Variants in SLC29A1 observed in about 807,000 individuals in gnomAD.
The protein encoded by SLC29A1 is equilibrative nucleoside transporter 1.
In SLC29A1, 22 loss-of-function variants were observed where a neutral mutation model predicts 48.3. The ratio of observed to expected loss-of-function variants is 0.46; its 90% confidence interval spans 0.33 to 0.65. The LOEUF is 0.65. Ranked by LOEUF, SLC29A1 falls within the 30% of genes least tolerant of loss-of-function variation. SLC29A1 has a pLI of 0.03. For missense variants in SLC29A1, 491 were observed against 575.3 expected (o/e 0.85, Z 1.50); for synonymous variants, 228 against 231.0 (o/e 0.99, Z 0.12).
At chr6:44,228,263 C>T (rs897329343) in intron 2 of SLC29A1, among the ~76,000 whole-genome samples, 2 of 152,224 alleles carry the variant, frequency 1.3e-5, no homozygotes, top group Non-Finnish European at 2.9e-5. Context: ...CTCGCCGGCT[C>T]CATTTGCCTT....
intron 9 of SLC29A1, 51 bp downstream of exon 9, chr6:44,231,512 T>A: frequency 8.5e-7 from 1 of 1,178,974 alleles, no homozygotes; most frequent in African/African-American, 1.5e-5. Flanking sequence ...CTTTCTCTCC[T>A]CCTTTTGCTC....
rs1778243457 is a variant in SLC29A1 at position 44,229,121 on chromosome 6, G to A, written c.30-269G>A. ...TGGTTCCCAGCCTGCAGAGTCCCCC[G>A]AGCCTTCCAGGGCTGATAACCATGG... On this transcript the variant is annotated intron_variant, in intron 2 of 12. Coordinates refer to ENST00000371755, the MANE Select transcript of SLC29A1 (RefSeq NM_001372327.1). This position sits in a 1 kb window ranked among gnomAD's most constrained non-coding sequence, Gnocchi z 5.1. 6.6e-6 allele frequency among the ~76,000 whole-genome samples: 1 copy of A among 152,094 alleles called. No homozygotes were observed. The highest frequency in any genetic ancestry group is 2.4e-5 in the African/African-American group (1 of 41,404).
chr6:44,228,564 G>T (rs900165750), intron 2 of SLC29A1, among the ~76,000 whole-genome samples: 4 of 152,256 alleles, frequency 2.6e-5, no homozygotes, highest in East Asian at 1.9e-4. Context: ...TGCCATCTCT[G>T]AAGAGAGCTG....
chr6:44,230,279 T>C, intron 5 of SLC29A1, 68 bp from the exon 6 acceptor site: 4 of 1,573,918 alleles, frequency 2.5e-6, no homozygotes, highest in Non-Finnish European at 3.5e-6. Context: ...ATGACAGGGA[T>C]CTGTCTTCTT....
chr6:44,229,865 C>T lies in SLC29A1; in HGVS notation c.315-42C>T. ...CTGCACCCCCTTGGCTGAGCCCCAG[C>T]TTTGCCCACTTGTCTCTGCCACCCT... On this transcript the variant is annotated intron_variant, in intron 4 of 12. Transcript: ENST00000371755. This position sits in a 1 kb window ranked among gnomAD's most constrained non-coding sequence, Gnocchi z 5.1. The T allele has an allele frequency of 5.0e-6, 8 of 1,611,760 alleles. No individual in the cohort carries two copies. Among genetic ancestry groups the T allele is most frequent in the Non-Finnish European group, 6.8e-6 (8 of 1,179,800 alleles).
At chr6:44,222,763 T>A (rs370442491), upstream of SLC29A1, among the ~76,000 whole-genome samples, 1 of 152,228 alleles carries the variant, frequency 6.6e-6, no homozygotes, top group Non-Finnish European at 1.5e-5. Context: ...GGCTTCCGCC[T>A]GTCAGGATGG....
intron 8 of SLC29A1, 109 bp from the exon 9 acceptor site, chr6:44,231,255 G>A: frequency 1.3e-6 from 1 of 748,996 alleles, no homozygotes. Context: ...GCTGGGACTG[G>A]TTAAGGAGGC....
Position 44,227,342 on chromosome 6 carries a change from G to A in SLC29A1, c.29G>A (p.Arg10Lys). The change falls in exon 2 of 13, where the codon AGA (arginine) becomes AAA (lysine). Residue 10 changes from arginine (R) to lysine (K), a missense_variant and splice_region_variant. Arg to Lys is a conservative substitution (Grantham distance 26). Coordinates refer to ENST00000371755, the MANE Select transcript of SLC29A1 (RefSeq NM_001372327.1). Reference sequence around the variant, plus strand: ...ACAACCAGTCACCAGCCTCAGGACAGGTAAGGGGTAAGGGGCTGGGCTGTG... The same window carrying A: ...ACAACCAGTCACCAGCCTCAGGACAAGTAAGGGGTAAGGGGCTGGGCTGTG... MTTSHQPQDRYKAVWLIFFM... is the reference protein window; with the variant it reads MTTSHQPQDKYKAVWLIFFM... 2 of 1,612,772 alleles carry A rather than the reference G, an allele frequency of 1.2e-6. No homozygotes were observed. The highest frequency in any genetic ancestry group is 2.2e-5 in the South Asian group (2 of 91,034).
chr6:44,225,288 C>T (rs1419441620), intron 1 of SLC29A1, among the ~76,000 whole-genome samples: 1 of 152,080 alleles, frequency 6.6e-6, no homozygotes, highest in Non-Finnish European at 1.5e-5. Context: ...GGTGGGTCAC[C>T]TGAGGTCGGG....
chr6:44,223,766 G>A lies in SLC29A1; in HGVS notation c.-52+125G>A. The A allele has an allele frequency of 9.7e-7, 1 of 1,034,310 alleles. No homozygotes were observed. Among genetic ancestry groups the A allele is most frequent in the Non-Finnish European group, 1.2e-6 (1 of 857,884 alleles). 64.1% of individuals were successfully genotyped at this position (1,034,310 alleles called of 1,614,324 possible). On this transcript the variant is annotated intron_variant, in intron 1 of 12. Coordinates refer to ENST00000371755, the MANE Select transcript of SLC29A1 (RefSeq NM_001372327.1). The surrounding 1 kb of genome is among the most constrained non-coding windows in gnomAD (Gnocchi z 5.0). ...CCGCAGCCCGGAGAAGGGACGCCGG[G>A]TGGGGCCCCAGTGCGGAGCGTGCGG...
chr6:44,231,514 C>T (rs974794777), intron 9 of SLC29A1, 53 bp downstream of exon 9: 2 of 1,150,218 alleles, frequency 1.7e-6, no homozygotes, highest in Admixed American at 1.9e-5. Flanking sequence ...TTCTCTCCTC[C>T]TTTTGCTCCC....
chr6:44,227,842 A>G (rs182969519), intron 2 of SLC29A1, among the ~76,000 whole-genome samples: 17 of 152,272 alleles, frequency 1.1e-4, no homozygotes, highest in Admixed American at 3.3e-4. Flanking sequence ...GCTTAATTCA[A>G]TTTCTCAAAG....
Position 44,232,730 on chromosome 6 carries a change from G to T in SLC29A1, c.1060-77G>T. On this transcript the variant is annotated intron_variant, in intron 11 of 12. Coordinates refer to ENST00000371755, the MANE Select transcript of SLC29A1 (RefSeq NM_001372327.1). This position sits in a 1 kb window ranked among gnomAD's most constrained non-coding sequence, Gnocchi z 4.7. ...GAGGTTTCAGTTCAGATCCTGAGGG[G>T]CCCCAGATGGATCCTTGGGGGCCTG... 7.0e-7 allele frequency: 1 copy of T among 1,427,890 alleles called. No homozygotes were observed. Among genetic ancestry groups the T allele is most frequent in the South Asian group, 1.2e-5 (1 of 85,404 alleles). 88.5% of individuals were successfully genotyped at this position (1,427,890 alleles called of 1,614,324 possible).
In SLC29A1 at chr6:44,229,474, G is replaced by A. The variant is rs762297340; in HGVS notation, c.111+3G>A. 2.5e-6 allele frequency: 4 copies of A among 1,613,652 alleles called. No homozygotes were observed. The East Asian group carries it at 8.9e-5, about 36-fold the overall frequency. On this transcript the variant is annotated splice_donor_region_variant and intron_variant, in intron 3 of 12. Transcript: ENST00000371755. The surrounding 1 kb of genome is among the most constrained non-coding windows in gnomAD (Gnocchi z 5.1). ...ATTTTTTCATGACGGCCACTCAGGTGAGGCTGGAGGGACTGGGCTCCATGG... is the reference window on the plus strand; with the variant it reads ...ATTTTTTCATGACGGCCACTCAGGTAAGGCTGGAGGGACTGGGCTCCATGG...
intron 9 of SLC29A1, among the ~76,000 whole-genome samples, 176 bp downstream of exon 9, chr6:44,231,637 C>CTT (rs202145762): frequency 6.6e-6 from 1 of 151,674 alleles, no homozygotes; most frequent in African/African-American, 2.4e-5. Flanking sequence ...TTCGTGGTTC[C>CTT]TTTTTTTTGA....
At chr6:44,222,922 C>T (rs1316947527), upstream of SLC29A1, among the ~76,000 whole-genome samples, 1 of 152,228 alleles carries the variant, frequency 6.6e-6, no homozygotes, top group South Asian at 2.1e-4. Context: ...CCCCTCCGCG[C>T]GCACACGCAA....
rs1448274277 is a variant in SLC29A1, at chr6:44,227,243, A to C, written c.-51-20A>C. 1.2e-6 allele frequency: 2 copies of C among 1,608,144 alleles called. No individual in the cohort carries two copies. The highest frequency in any genetic ancestry group is 8.5e-7 in the Non-Finnish European group (1 of 1,176,306). The stretch of plus-strand genomic sequence containing the variant: ...TGGCAGGGCCAAGACAGGGCCTCAC[A>C]CTGTTCCTGCCCCCAGCAGGCCCCT... On this transcript the variant is annotated intron_variant, in intron 1 of 12. Transcript: ENST00000371755.
chr6:44,229,357 G>A lies in SLC29A1; in HGVS notation c.30-33G>A, dbSNP rs369635280. ...ATTGTGGAGTGGGGCAGGATGGTGC[G>A]TCATTTGGCCCATCTTTCCTCCTCC... On this transcript the variant is annotated intron_variant, in intron 2 of 12. Coordinates refer to ENST00000371755, the MANE Select transcript of SLC29A1 (RefSeq NM_001372327.1). This position sits in a 1 kb window ranked among gnomAD's most constrained non-coding sequence, Gnocchi z 5.1. 2.9e-5 allele frequency: 45 copies of A among 1,546,242 alleles called. No homozygotes were observed. The highest frequency in any genetic ancestry group is 2.2e-4 in the African/African-American group (16 of 73,594).
At chr6:44,228,807 T>C (rs566416667) in intron 2 of SLC29A1, among the ~76,000 whole-genome samples, 2 of 152,356 alleles carry the variant, frequency 1.3e-5, no homozygotes, top group African/African-American at 4.8e-5. Flanking sequence ...CTGGGTGGTA[T>C]GAACTACAAA....
Sources: allele counts gnomAD v4.1 joint callset (sites outside exome capture counted in the v4.1 genomes callset), GRCh38; gene constraint gnomAD v4.1.1; non-coding constraint Gnocchi (gnomAD v3.1); transcripts MANE v1.5; gene names NCBI Gene and HGNC (gene_info 2026-07-23, HGNC 2026-07-21).